WWOX: variants seen among roughly 807,000 people sequenced by gnomAD.
WWOX encodes the protein WW domain-containing oxidoreductase.
In WWOX, 69 loss-of-function variants were observed where a neutral mutation model predicts 46.2. The observed-to-expected ratio is 1.49, with a 90% CI of 1.23 to 1.82. The LOEUF (loss-of-function observed/expected upper bound fraction) is 1.82. Among genes scored for constraint, WWOX ranks in the 40% most tolerant of loss-of-function variants. The pLI is 0.00. For synonymous variants in WWOX, 359 were observed against 202.6 expected (o/e 1.77, Z -6.56); for missense variants, 919 against 542.6 (o/e 1.69, Z -6.89).
chr16:78,773,613 A>T (rs1245045079), intron 8 of WWOX, among the ~76,000 whole-genome samples: 1 of 152,134 alleles, frequency 6.6e-6, no homozygotes, highest in Non-Finnish European at 1.5e-5. Context: ...GAGAAGTTAT[A>T]ATAGAGTGCA....
intron 3 of WWOX, among the ~76,000 whole-genome samples, chr16:78,110,751 G>A (rs1343173347): frequency 2.0e-5 from 3 of 152,118 alleles, no homozygotes; most frequent in African/African-American, 4.8e-5. Context: ...GCCCTGAGAG[G>A]TAGTATTGTT....
intron 8 of WWOX, among the ~76,000 whole-genome samples, chr16:78,914,541 G>T (rs545260407): frequency 8.0e-4 from 122 of 152,100 alleles, no homozygotes; most frequent in African/African-American, 2.8e-3. Flanking sequence ...GAAATGGATT[G>T]AGTACAGAGT....
chr16:78,885,798 C>T (rs933402284), intron 8 of WWOX, among the ~76,000 whole-genome samples: 3 of 152,026 alleles, frequency 2.0e-5, no homozygotes, highest in East Asian at 1.9e-4. Context: ...ATTCTTCCCC[C>T]TTCTTACTTA....
intron 8 of WWOX, among the ~76,000 whole-genome samples, chr16:78,763,628 C>T (rs140136735): frequency 2.0e-5 from 3 of 152,188 alleles, no homozygotes; most frequent in Non-Finnish European, 2.9e-5. Context: ...CTGTCCTGGT[C>T]ACCACTGTAT....
At chr16:78,774,496 T>TTGTGTGTG (rs58003207) in intron 8 of WWOX, among the ~76,000 whole-genome samples, 68 of 149,520 alleles carry the variant, frequency 4.5e-4, no homozygotes, top group African/African-American at 1.3e-3. Flanking sequence ...CAGACCCATT[T>TTGTGTGTG]TGTGTGTGTG....
chr16:78,626,045 T>TA (rs1473663961), intron 8 of WWOX, among the ~76,000 whole-genome samples: 1 of 151,944 alleles, frequency 6.6e-6, no homozygotes, highest in Non-Finnish European at 1.5e-5. Flanking sequence ...GTCCATCGTT[T>TA]ATCATATTGC....
At chr16:78,667,048 A>G (rs952568408) in intron 8 of WWOX, among the ~76,000 whole-genome samples, 4 of 152,222 alleles carry the variant, frequency 2.6e-5, no homozygotes, top group Admixed American at 6.5e-5. Context: ...AGTCTCTTAC[A>G]TAATGGTCAG....
chr16:78,550,662 A>T (rs1438184978), intron 8 of WWOX: 2 of 152,188 alleles, frequency 1.3e-5, no homozygotes, highest in Non-Finnish European at 2.9e-5. Flanking sequence ...GTTAACCCTG[A>T]CAATTCTTGT....
intron 8 of WWOX, among the ~76,000 whole-genome samples, chr16:79,119,080 A>C (rs575245859): frequency 4.5e-4 from 68 of 152,270 alleles, no homozygotes; most frequent in African/African-American, 1.6e-3. Flanking sequence ...ACATTTTTTA[A>C]AGGTTTGTGA....
intron 8 of WWOX, chr16:78,873,278 A>G (rs778048041): frequency 6.6e-6 from 1 of 152,188 alleles, no homozygotes; most frequent in Non-Finnish European, 1.5e-5. Flanking sequence ...GAATGTCACT[A>G]ATTACCAACG....
At chr16:78,990,878 G>A (rs2046874412) in intron 8 of WWOX, among the ~76,000 whole-genome samples, 1 of 152,188 alleles carries the variant, frequency 6.6e-6, no homozygotes, top group African/African-American at 2.4e-5. Flanking sequence ...AGACAAAACA[G>A]GTGATGAACA....
intron 8 of WWOX, among the ~76,000 whole-genome samples, chr16:78,476,872 T>G (rs2084361972): frequency 6.6e-6 from 1 of 152,124 alleles, no homozygotes; most frequent in Non-Finnish European, 1.5e-5. Flanking sequence ...CCTCCCTTCC[T>G]GATTTCCCAT....
At chr16:79,038,988 G>A (rs913044486) in intron 8 of WWOX, among the ~76,000 whole-genome samples, 9 of 151,952 alleles carry the variant, frequency 5.9e-5, no homozygotes, top group African/African-American at 2.2e-4. Flanking sequence ...CAAAGCTAAT[G>A]TCTGCCACAA....
At chr16:79,073,531 T>G (rs2048591647) in intron 8 of WWOX, among the ~76,000 whole-genome samples, 2 of 152,188 alleles carry the variant, frequency 1.3e-5, no homozygotes, top group Admixed American at 1.3e-4. Context: ...GATTTGAGTT[T>G]ATGTCTCCTA....
At chr16:78,646,835 C>T (rs1222151810) in intron 8 of WWOX, among the ~76,000 whole-genome samples, 6 of 152,178 alleles carry the variant, frequency 3.9e-5, no homozygotes, top group Non-Finnish European at 7.3e-5. Context: ...TTTTATCTCC[C>T]ATCAGCCGAA....
chr16:79,121,123 T>C (rs989812184), intron 8 of WWOX, among the ~76,000 whole-genome samples: 2 of 152,192 alleles, frequency 1.3e-5, no homozygotes, highest in Non-Finnish European at 1.5e-5. Context: ...CCACTTGGAA[T>C]ATCCAGAACT....
At chr16:79,139,818 T>C (rs1396965680) in intron 8 of WWOX, among the ~76,000 whole-genome samples, 1 of 152,240 alleles carries the variant, frequency 6.6e-6, no homozygotes, top group Non-Finnish European at 1.5e-5. Context: ...CTTGCCCGAA[T>C]GACTTTAGTG....
chr16:78,308,078 C>T (rs1053915972), intron 5 of WWOX, among the ~76,000 whole-genome samples: 1 of 152,148 alleles, frequency 6.6e-6, no homozygotes, highest in African/African-American at 2.4e-5. Flanking sequence ...TGGACTGAGA[C>T]CCCAGCTTTC....
chr16:79,096,242 C>T (rs1163290402), intron 8 of WWOX, among the ~76,000 whole-genome samples: 1 of 151,988 alleles, frequency 6.6e-6, no homozygotes, highest in Non-Finnish European at 1.5e-5. Context: ...CACGGAGAAC[C>T]AGAATCTCCT....
Sources: gnomAD v4.1 joint callset for allele counts (sites outside exome capture counted in the v4.1 genomes callset) on GRCh38, gnomAD v4.1.1 for gene constraint, MANE v1.5 for transcripts, NCBI Gene and HGNC (gene_info 2026-07-23, HGNC 2026-07-21) for gene names.